APBA2: variants seen among roughly 807,000 people sequenced by gnomAD.
The protein encoded by APBA2 is amyloid-beta A4 precursor protein-binding family A member 2.
APBA2 carries 30 observed loss-of-function variants against 75.0 expected under a neutral mutation model. The observed-to-expected ratio is 0.40, with a 90% CI of 0.30 to 0.54. APBA2 has a LOEUF of 0.54. APBA2 is among the 20% of genes least tolerant of loss of function. The pLI, the probability that APBA2 is intolerant of heterozygous loss-of-function variation, is 0.49. For missense variants in APBA2, 801 were observed against 1,016.1 expected, an observed-to-expected ratio of 0.79 and a Z score of 2.88; for synonymous variants, 444 against 409.6, an observed-to-expected ratio of 1.08 and a Z score of -1.01.
intron 6 of APBA2, among the ~76,000 whole-genome samples, chr15:29,090,031 G>C (rs1262340490): frequency 6.6e-6 from 1 of 152,158 alleles, no homozygotes; most frequent in South Asian, 2.1e-4. Flanking sequence ...CCATGAATCT[G>C]ATATACTCCC....
At chr15:29,104,046 G>T (rs965536844) in intron 10 of APBA2, among the ~76,000 whole-genome samples, 1 of 152,256 alleles carries the variant, frequency 6.6e-6, no homozygotes, top group Admixed American at 6.5e-5. Flanking sequence ...GCAGTTCCAC[G>T]CCTGCTGGAG....
chr15:28,958,449 A>G (rs547575877), intron 2 of APBA2, among the ~76,000 whole-genome samples: 208 of 152,364 alleles, frequency 1.4e-3, no homozygotes, highest in African/African-American at 4.9e-3. Context: ...TGAAGATGAA[A>G]GTGTAGCGTT....
chr15:28,890,078 T>C (rs1302164843), intron 1 of APBA2, among the ~76,000 whole-genome samples: 1 of 152,174 alleles, frequency 6.6e-6, no homozygotes. Context: ...GCAGCACATG[T>C]CCTGCTCCCT....
chr15:28,966,547 CCTTTA>C (rs1196764594), intron 2 of APBA2, among the ~76,000 whole-genome samples: 1 of 152,080 alleles, frequency 6.6e-6, no homozygotes, highest in Non-Finnish European at 1.5e-5. Context: ...CTTTTCCCAT[CCTTTA>C]CTTTCAGTCT....
chr15:28,940,278 C>T (rs759471391), intron 2 of APBA2, among the ~76,000 whole-genome samples: 2 of 145,598 alleles, frequency 1.4e-5, no homozygotes, highest in African/African-American at 2.6e-5. Context: ...TTTGGGAGGC[C>T]GAGGCAGGTG....
At position 29,030,274 on chromosome 15, in the gene APBA2, A is replaced by G. The variant is rs554143060; in HGVS notation, c.-40-23571A>G. Among the ~76,000 whole-genome samples the G allele has an allele frequency of 1.3e-3, 200 of 152,194 alleles. 1 individual carries two copies. Among genetic ancestry groups the G allele is most frequent in the African/African-American group, 4.6e-3 (192 of 41,540 alleles). ...GGGGATAGAGATCATCCTGGCTAAC[A>G]TGGTGAAACCCCGTCTCTACTAAAA... On this transcript the variant is annotated intron_variant, in intron 3 of 14. Transcript: ENST00000683413.
chr15:28,889,817 A>G (rs1447231282), intron 1 of APBA2, among the ~76,000 whole-genome samples: 2 of 152,184 alleles, frequency 1.3e-5, no homozygotes, highest in Non-Finnish European at 2.9e-5. Flanking sequence ...AAAGCCCTAC[A>G]TAAATTGGCT....
At chr15:29,081,998 A>G (rs1339230260) in intron 6 of APBA2, among the ~76,000 whole-genome samples, 1 of 152,234 alleles carries the variant, frequency 6.6e-6, no homozygotes, top group Non-Finnish European at 1.5e-5. Flanking sequence ...TTGGTCATGT[A>G]TGAGAGTTGG....
chr15:29,041,518 G>A (rs2041045444), intron 3 of APBA2, among the ~76,000 whole-genome samples: 1 of 149,940 alleles, frequency 6.7e-6, no homozygotes, highest in Non-Finnish European at 1.5e-5. Flanking sequence ...TTAAAAAAAG[G>A]TATCATTTAC....
intron 6 of APBA2, among the ~76,000 whole-genome samples, chr15:29,079,340 C>T (rs760369185): frequency 8.5e-5 from 13 of 152,228 alleles, no homozygotes; most frequent in South Asian, 2.1e-4. Context: ...TCAGAGAGTC[C>T]AGGAGGCAAA....
chr15:29,012,460 T>C (rs904923621), intron 3 of APBA2, among the ~76,000 whole-genome samples: 3 of 152,198 alleles, frequency 2.0e-5, no homozygotes, highest in East Asian at 1.9e-4. Flanking sequence ...GGCTACATAA[T>C]TTATCACTGC....
chr15:28,902,143 GA>G (rs1736606872), intron 1 of APBA2, among the ~76,000 whole-genome samples: 1 of 152,044 alleles, frequency 6.6e-6, no homozygotes, highest in Non-Finnish European at 1.5e-5. Context: ...TCTGTCCACA[GA>G]GCCCAGTGCA....
chr15:29,067,304 C>G (rs1245242840), intron 4 of APBA2, among the ~76,000 whole-genome samples: 1 of 152,142 alleles, frequency 6.6e-6, no homozygotes, highest in Non-Finnish European at 1.5e-5. Context: ...TGGGCCAAAT[C>G]AAAACTATTT....
intron 3 of APBA2, among the ~76,000 whole-genome samples, chr15:29,032,394 G>A (rs186296413): frequency 2.3e-4 from 35 of 152,328 alleles, no homozygotes; most frequent in African/African-American, 7.9e-4. Flanking sequence ...GGGAAGGTCG[G>A]CCCCCAGACC....
Position 29,011,840 on chromosome 15 carries a change from T to C in APBA2, c.-41+16034T>C, listed in dbSNP as rs969251042. Reference sequence around the variant, plus strand: ...TTTATAAATTTTGAGTGCATTTAACTAGATACATATAAATTTAGAATTTAT... The same window carrying C: ...TTTATAAATTTTGAGTGCATTTAACCAGATACATATAAATTTAGAATTTAT... On this transcript the variant is annotated intron_variant, in intron 3 of 14. Transcript: ENST00000683413. Among the ~76,000 whole-genome samples, 30 of 152,238 alleles carry C rather than the reference T, an allele frequency of 2.0e-4. 1 individual carries two copies. Among genetic ancestry groups the C allele is most frequent in the Non-Finnish European group, 3.4e-4 (23 of 68,038 alleles).
At chr15:28,896,745 A>C (rs937197287) in intron 1 of APBA2, among the ~76,000 whole-genome samples, 1 of 152,174 alleles carries the variant, frequency 6.6e-6, no homozygotes, top group Non-Finnish European at 1.5e-5. Flanking sequence ...TGCTCCCAAA[A>C]AGTCCCATAA....
chr15:28,923,566 G>A (rs1186818075), intron 2 of APBA2, among the ~76,000 whole-genome samples: 2 of 145,554 alleles, frequency 1.4e-5, no homozygotes, highest in Non-Finnish European at 3.1e-5. Flanking sequence ...TGCTGAGTCT[G>A]GGGGAGGTGT....
At chr15:28,996,710 G>T (rs970805835) in intron 3 of APBA2, among the ~76,000 whole-genome samples, 1 of 152,230 alleles carries the variant, frequency 6.6e-6, no homozygotes, top group African/African-American at 2.4e-5. Context: ...CCCAGAGCAG[G>T]CCTGAGCTTC....
chr15:29,108,142 G>A (rs2044528420), intron 12 of APBA2, 128 bp from the exon 13 acceptor site: 2 of 1,365,128 alleles, frequency 1.5e-6, no homozygotes, highest in African/African-American at 2.9e-5. Context: ...GCTGAGAGGG[G>A]ACTGCCTGCC....
Sources: allele counts gnomAD v4.1 joint callset (sites outside exome capture counted in the v4.1 genomes callset), GRCh38; gene constraint gnomAD v4.1.1; transcripts MANE v1.5; gene names NCBI Gene and HGNC (gene_info 2026-07-23, HGNC 2026-07-21).